Variants in HDDC3 observed in about 807,000 individuals in gnomAD.
HDDC3 encodes HD domain containing 3, also known as guanosine-3',5'-bis(diphosphate) 3'-pyrophosphohydrolase MESH1.
HDDC3 carries 18 observed loss-of-function variants against 19.1 expected under a neutral mutation model. The observed-to-expected ratio is 0.94, with a 90% CI of 0.65 to 1.40. HDDC3 has a LOEUF of 1.40. Ranked by LOEUF, HDDC3 falls within the 40% of genes most tolerant of loss-of-function variation. HDDC3 has a pLI of 0.00. For synonymous variants in HDDC3, 107 were observed against 99.4 expected (o/e 1.08, Z -0.46); for missense variants, 250 against 228.9 (o/e 1.09, Z -0.59).
rs1157515638 is a variant in HDDC3, at chr15:90,930,093, G to C, written c.*1182C>G. 6.6e-6 allele frequency: 1 copy of C among 152,182 alleles called. No individual in the cohort carries two copies. The highest frequency in any genetic ancestry group is 1.5e-5 in the Non-Finnish European group (1 of 68,026). The allele number at this position is 152,182 out of a possible 1,614,324, so 9.4% of individuals were successfully genotyped here. A position where few individuals can be genotyped will look rare whatever the true frequency, so the allele number is the denominator to read the frequency against. On this transcript the variant is annotated 3_prime_UTR_variant, in exon 4 of 4. Transcript: ENST00000394272. ...TCCCTCCCCATGGCCACCGAGCAAA[G>C]TTCCACCGCCTCCCCTACGCCGACC... is the stretch of plus-strand genomic sequence containing the variant.
Position 90,931,855 on chromosome 15 carries a change from C to A in HDDC3, c.258G>T (p.Val86=), listed in dbSNP as rs2035806372. 6.2e-7 allele frequency: 1 copy of A among 1,614,174 alleles called. No individual in the cohort carries two copies. Among genetic ancestry groups the A allele is most frequent in the Non-Finnish European group, 8.5e-7 (1 of 1,180,030 alleles). The change falls in exon 3 of 4, where the codon GTG becomes GTT. Residue 86 remains valine (V), a synonymous_variant. Transcript: ENST00000394272. ...GAGTCTTGTCATCTGTTACCTCCTC[C>A]ACCAGGCGCCGCACTTGTGCCCCAA... ...LHFGAQVRRL[V]EEVTDDKTLP... is the part of the protein sequence containing the mutation.
Position 90,932,117 on chromosome 15 carries a change from G to A in HDDC3, c.113-7C>T. The A allele has an allele frequency of 6.3e-7, 1 of 1,585,236 alleles. No homozygotes were observed. The highest frequency in any genetic ancestry group is 1.2e-5 in the South Asian group (1 of 86,850). ...GTCAGGATCCGTGCCACACCTGACGGGGAGGGGCAAAGCAGGAAGTCAGGT... is the reference window on the plus strand; with the variant it reads ...GTCAGGATCCGTGCCACACCTGACGAGGAGGGGCAAAGCAGGAAGTCAGGT... On this transcript the variant is annotated splice_polypyrimidine_tract_variant and splice_region_variant and intron_variant, in intron 1 of 3. Coordinates refer to ENST00000394272, the MANE Select transcript of HDDC3 (RefSeq NM_001286451.2).
At position 90,932,122 on chromosome 15, in the gene HDDC3, G is replaced by A. The variant is rs1260165625; in HGVS notation, c.113-12C>T. On this transcript the variant is annotated splice_polypyrimidine_tract_variant and intron_variant, in intron 1 of 3. Transcript: ENST00000394272. ...GATCCGTGCCACACCTGACGGGGAG[G>A]GGCAAAGCAGGAAGTCAGGTCGGAG... 4.4e-6 allele frequency: 7 copies of A among 1,580,364 alleles called. No individual in the cohort carries two copies. The highest frequency in any genetic ancestry group is 4.3e-6 in the Non-Finnish European group (5 of 1,160,316).
At position 90,932,452 on chromosome 15, in the gene HDDC3, G is replaced by T; in HGVS notation, c.89C>A (p.Thr30Asn). ...ACCGATGGGGTGGTTGATGTAGGGG[G>T]TCCCCTCGGGGTCCTTCCGCCGCTG... ...RQQRRKDPEGTPYINHPIGVA... is the reference protein window; with the variant it reads ...RQQRRKDPEGNPYINHPIGVA... The change falls in exon 1 of 4, where the codon ACC becomes AAC. Residue 30 changes from threonine (T) to asparagine (N), a missense_variant. By Grantham distance (65) the Thr-to-Asn change is moderately conservative (BLOSUM62 0). Transcript: ENST00000394272. 2.0e-5 allele frequency: 27 copies of T among 1,354,132 alleles called. No homozygotes were observed. Among genetic ancestry groups the T allele is most frequent in the Non-Finnish European group, 2.6e-5 (27 of 1,055,308 alleles). 83.9% of individuals were successfully genotyped at this position (1,354,132 alleles called of 1,614,324 possible). A position where few individuals can be genotyped will look rare whatever the true frequency, so the allele number is the denominator to read the frequency against.
At position 90,931,230 on chromosome 15, in the gene HDDC3, C is replaced by T. The variant is rs967802089; in HGVS notation, c.*45G>A. The T allele has an allele frequency of 3.9e-6, 6 of 1,548,654 alleles. No homozygotes were observed. In the African/African-American group the frequency reaches 6.8e-5, roughly 18 times the overall value. On this transcript the variant is annotated 3_prime_UTR_variant, in exon 4 of 4. Coordinates refer to ENST00000394272, the MANE Select transcript of HDDC3 (RefSeq NM_001286451.2). The stretch of plus-strand genomic sequence containing the variant: ...AGATGGCGTATGAATCCTGTCCGGC[C>T]TGAACGAGGCTGGAGTTGTGCCTCT...
rs2035812905 is a variant in HDDC3, at chr15:90,932,002, A to G, written c.168+53T>C. On this transcript the variant is annotated intron_variant, in intron 2 of 3. Coordinates refer to ENST00000394272, the MANE Select transcript of HDDC3 (RefSeq NM_001286451.2). ...TCAGCCAAGGGTTGCCCATTGCTGA[A>G]TGGGGCCCCTAATCCCCATCCCAGG... is the stretch of plus-strand genomic sequence containing the variant. 14 of 1,613,968 alleles carry G rather than the reference A, an allele frequency of 8.7e-6. No homozygotes were observed. In the East Asian group the frequency reaches 3.1e-4, roughly 36 times the overall value.
At position 90,930,708 on chromosome 15, in the gene HDDC3, C is replaced by T. The variant is rs1198904520; in HGVS notation, c.*567G>A. 6.5e-6 allele frequency: 1 copy of T among 154,774 alleles called. No individual in the cohort carries two copies. The highest frequency in any genetic ancestry group is 1.4e-5 in the Non-Finnish European group (1 of 69,528). 9.6% of individuals were successfully genotyped at this position (154,774 alleles called of 1,614,324 possible). A position where few individuals can be genotyped will look rare whatever the true frequency, so the allele number is the denominator to read the frequency against. On this transcript the variant is annotated 3_prime_UTR_variant, in exon 4 of 4. Coordinates refer to ENST00000394272, the MANE Select transcript of HDDC3 (RefSeq NM_001286451.2). ...TTAACGGGAAAGGCTGCTACCATTTCTTGAGCACCTATGTGTCAGGCTCCA... is the reference window on the plus strand; with the variant it reads ...TTAACGGGAAAGGCTGCTACCATTTTTTGAGCACCTATGTGTCAGGCTCCA...
Position 90,931,220 on chromosome 15 carries a change from C to G in HDDC3, c.*55G>C. 6.5e-7 allele frequency: 1 copy of G among 1,542,324 alleles called. No individual in the cohort carries two copies. The highest frequency in any genetic ancestry group is 8.8e-7 in the Non-Finnish European group (1 of 1,140,200). On this transcript the variant is annotated 3_prime_UTR_variant, in exon 4 of 4. Coordinates refer to ENST00000394272, the MANE Select transcript of HDDC3 (RefSeq NM_001286451.2). ...GACACAGAAAAGATGGCGTATGAAT[C>G]CTGTCCGGCCTGAACGAGGCTGGAG...
chr15:90,930,129 C>A lies in HDDC3; in HGVS notation c.*1146G>T, dbSNP rs534578281. 1 of 152,154 alleles carries A rather than the reference C, an allele frequency of 6.6e-6. No individual in the cohort carries two copies. Among genetic ancestry groups the A allele is most frequent in the Non-Finnish European group, 1.5e-5 (1 of 68,018 alleles). 9.4% of individuals were successfully genotyped at this position (152,154 alleles called of 1,614,324 possible). A position where few individuals can be genotyped will look rare whatever the true frequency, so the allele number is the denominator to read the frequency against. On this transcript the variant is annotated 3_prime_UTR_variant, in exon 4 of 4. Coordinates refer to ENST00000394272, the MANE Select transcript of HDDC3 (RefSeq NM_001286451.2). ...TCCCCTACGCCGACCGCCGGGCTCCCGGGGTCGGACAGCCCCGGGCCACTT... is the reference window on the plus strand; with the variant it reads ...TCCCCTACGCCGACCGCCGGGCTCCAGGGGTCGGACAGCCCCGGGCCACTT...
rs544321005 is a variant in HDDC3, at chr15:90,932,482, C to G, written c.59G>C (p.Arg20Pro). Reference sequence around the variant, plus strand: ...CTCGGGGTCCTTCCGCCGCTGCTGCCGGTGCTTGCGAGCCGCGAAGTCGGC... The same window carrying G: ...CTCGGGGTCCTTCCGCCGCTGCTGCGGGTGCTTGCGAGCCGCGAAGTCGGC... Reference protein sequence around the residue: ...EAADFAARKHRQQRRKDPEGT... With the variant: ...EAADFAARKHPQQRRKDPEGT... Residue 20 changes from arginine to proline, a missense_variant, in exon 1 of 4, where the codon CGG (arginine) becomes CCG (proline). Arg to Pro is a moderately radical substitution (Grantham distance 103). Transcript: ENST00000394272. 2.3e-5 allele frequency: 30 copies of G among 1,308,188 alleles called. No individual in the cohort carries two copies. In the East Asian group the frequency reaches 3.8e-4, roughly 17 times the overall value. The allele number at this position is 1,308,188 out of a possible 1,614,324, so 81.0% of individuals were successfully genotyped here. A position where few individuals can be genotyped will look rare whatever the true frequency, so the allele number is the denominator to read the frequency against.
At chr15:90,932,377 A>G in intron 1 of HDDC3, 52 bp downstream of exon 1, 1 of 1,150,576 alleles carries the variant, frequency 8.7e-7, no homozygotes. Context: ...TTTCCTTCCC[A>G]GTCCCCACCA....
Position 90,931,245 on chromosome 15 carries a change from G to A in HDDC3, c.*30C>T. Reference sequence around the variant, plus strand: ...CCTGTCCGGCCTGAACGAGGCTGGAGTTGTGCCTCTGGATAGCTTCAAGCA... The same window carrying A: ...CCTGTCCGGCCTGAACGAGGCTGGAATTGTGCCTCTGGATAGCTTCAAGCA... On this transcript the variant is annotated 3_prime_UTR_variant, in exon 4 of 4. Transcript: ENST00000394272. 6.5e-7 allele frequency: 1 copy of A among 1,550,384 alleles called. No homozygotes were observed. Among genetic ancestry groups the A allele is most frequent in the Non-Finnish European group, 8.7e-7 (1 of 1,146,704 alleles).
In HDDC3 at chr15:90,932,410, C is replaced by T; in HGVS notation, c.112+19G>A. 3 of 1,320,518 alleles carry T rather than the reference C, an allele frequency of 2.3e-6. No individual in the cohort carries two copies. The highest frequency in any genetic ancestry group is 2.9e-6 in the Non-Finnish European group (3 of 1,029,294). The allele number at this position is 1,320,518 out of a possible 1,614,324, so 81.8% of individuals were successfully genotyped here. ...CCACCCAGGTGCCGCAGCCGGCGCT[C>T]CGCGGCCGACGCGCCCACCGATGGG... is the stretch of plus-strand genomic sequence containing the variant. On this transcript the variant is annotated intron_variant, in intron 1 of 3. Transcript: ENST00000394272.
Position 90,931,842 on chromosome 15 carries a change from C to T in HDDC3, c.271G>A (p.Asp91Asn). ...TCCAGCTTGGGCAGAGTCTTGTCAT[C>T]TGTTACCTCCTCCACCAGGCGCCGC... is the stretch of plus-strand genomic sequence containing the variant. ...QVRRLVEEVT[D>N]DKTLPKLERK... is the part of the protein sequence containing the mutation. Residue 91 changes from aspartate to asparagine, a missense_variant, in exon 3 of 4, where the codon GAT becomes AAT. Physicochemically the swap from Asp to Asn is conservative, Grantham distance 23. Transcript: ENST00000394272. 1 of 1,614,164 alleles carries T rather than the reference C, an allele frequency of 6.2e-7. No homozygotes were observed. Among genetic ancestry groups the T allele is most frequent in the Non-Finnish European group, 8.5e-7 (1 of 1,180,026 alleles).
Position 90,931,774 on chromosome 15 carries a change from G to A in HDDC3, c.339C>T (p.Pro113=), listed in dbSNP as rs1219699488. 15 of 1,613,970 alleles carry A rather than the reference G, an allele frequency of 9.3e-6. No homozygotes were observed. Among genetic ancestry groups the A allele is most frequent in the Non-Finnish European group, 1.2e-5 (14 of 1,180,034 alleles). Residue 113 remains proline, a synonymous_variant, in exon 3 of 4, where the codon CCC becomes CCT. Coordinates refer to ENST00000394272, the MANE Select transcript of HDDC3 (RefSeq NM_001286451.2). ...LQVEQAPHSS[P]GAKLVKLADK... is the part of the protein sequence containing the mutation. Reference sequence around the variant, plus strand: ...CTGCCAGCTTCACCAGTTTGGCCCCGGGGCTACTGTGGGGCGCTTGCTCCA... The same window carrying A: ...CTGCCAGCTTCACCAGTTTGGCCCCAGGGCTACTGTGGGGCGCTTGCTCCA...
Position 90,931,087 on chromosome 15 carries a change from T to C in HDDC3, c.*188A>G. The C allele has an allele frequency of 1.6e-6, 1 of 631,448 alleles. No individual in the cohort carries two copies. The highest frequency in any genetic ancestry group is 2.7e-6 in the Non-Finnish European group (1 of 371,608). The allele number at this position is 631,448 out of a possible 1,614,324, so 39.1% of individuals were successfully genotyped here. A position where few individuals can be genotyped will look rare whatever the true frequency, so the allele number is the denominator to read the frequency against. On this transcript the variant is annotated 3_prime_UTR_variant, in exon 4 of 4. Transcript: ENST00000394272. ...TCAGAAATGGATGGGTACATCTGAT[T>C]CCCACCACGCGGGGCTCAGCTTAGT...
At position 90,930,168 on chromosome 15, in the gene HDDC3, G is replaced by T. The variant is rs959801292; in HGVS notation, c.*1107C>A. 1.3e-5 allele frequency: 2 copies of T among 152,244 alleles called. No individual in the cohort carries two copies. Among genetic ancestry groups the T allele is most frequent in the African/African-American group, 4.8e-5 (2 of 41,536 alleles). 9.4% of individuals were successfully genotyped at this position (152,244 alleles called of 1,614,324 possible). A position where few individuals can be genotyped will look rare whatever the true frequency, so the allele number is the denominator to read the frequency against. ...CCCGGGCCACTTCCGGGCCTTCCCG[G>T]AAGTCCCTGTCACTTAACAACCGAA... On this transcript the variant is annotated 3_prime_UTR_variant, in exon 4 of 4. Coordinates refer to ENST00000394272, the MANE Select transcript of HDDC3 (RefSeq NM_001286451.2).
At chr15:90,931,533 C>T in intron 3 of HDDC3, 128 bp from the exon 4 acceptor site, 1 of 1,614,176 alleles carries the variant, frequency 6.2e-7, no homozygotes, top group Non-Finnish European at 8.5e-7. Context: ...AAAACTTCCC[C>T]TTGGCCCAGC....
Position 90,931,812 on chromosome 15 carries a change from TTC to T in HDDC3, c.299_300del (p.Arg100LysfsTer12), listed in dbSNP as rs762914251. The T allele has an allele frequency of 3.7e-6, 6 of 1,614,038 alleles. No individual in the cohort carries two copies. Among genetic ancestry groups the T allele is most frequent in the Non-Finnish European group, 5.1e-6 (6 of 1,180,038 alleles). On this transcript the variant is annotated frameshift_variant, in exon 3 of 4. Coordinates refer to ENST00000394272, the MANE Select transcript of HDDC3 (RefSeq NM_001286451.2). LOFTEE classifies it high-confidence loss of function. ...TDDKTLPKLERKRLQVEQAPH... is the reference protein window; with the variant it reads ...TDDKTLPKLEXKRLQVEQAPH... ...GGCGCTTGCTCCACCTGCAGCCTCT[TTC>T]TCTCCAGCTTGGGCAGAGTCTTGTC...
Sources: allele counts gnomAD v4.1 joint callset, GRCh38; gene constraint gnomAD v4.1.1; transcripts MANE v1.5; gene names NCBI Gene and HGNC (gene_info 2026-07-23, HGNC 2026-07-21).